The following PTPRM variants were observed in gnomAD, a reference collection of about 807,000 sequenced individuals.
PTPRM encodes the protein protein tyrosine phosphatase receptor type M, also known as receptor-type tyrosine-protein phosphatase mu.
Under a neutral mutation model 186.7 loss-of-function variants are expected in PTPRM, and 47 were observed. The ratio of observed to expected loss-of-function variants is 0.25; its 90% confidence interval spans 0.20 to 0.32. The LOEUF is 0.32. Among genes scored for constraint, PTPRM ranks in the 10% least tolerant of loss-of-function variants. PTPRM has a pLI of 1.00. For missense variants in PTPRM, 1,494 were observed against 1,865.0 expected, an observed-to-expected ratio of 0.80 and a Z score of 3.66; for synonymous variants, 668 against 674.9, an observed-to-expected ratio of 0.99 and a Z score of 0.16.
Position 8,337,532 on chromosome 18 carries a change from C to T in PTPRM, c.2957-5891C>T, listed in dbSNP as rs144827044. Among the ~76,000 whole-genome samples the T allele has an allele frequency of 3.6e-3, 543 of 152,316 alleles. 3 individuals are homozygous for T. The highest frequency in any genetic ancestry group is 0.012 in the African/African-American group (509 of 41,570). On this transcript the variant is annotated intron_variant, in intron 22 of 32. Transcript: ENST00000580170. ...GCACGCAGGGGTGGCCACTCATACC[C>T]ACTGGGGCCAGGACAGTGGTATAAA...
At chr18:8,339,513 G>A (rs2148230212) in intron 22 of PTPRM, among the ~76,000 whole-genome samples, 2 of 152,256 alleles carry the variant, frequency 1.3e-5, no homozygotes, top group East Asian at 3.9e-4. Context: ...TTGAGAGAGG[G>A]AGGCTTTTCA....
At chr18:7,975,999 T>A (rs575511875) in intron 7 of PTPRM, among the ~76,000 whole-genome samples, 136 of 152,194 alleles carry the variant, frequency 8.9e-4, no homozygotes, top group African/African-American at 3.0e-3. Context: ...TGAAACCCTG[T>A]CTCTACTAAA....
chr18:8,020,099 T>C (rs2085116708), intron 7 of PTPRM, among the ~76,000 whole-genome samples: 1 of 152,212 alleles, frequency 6.6e-6, no homozygotes, highest in Non-Finnish European at 1.5e-5. Context: ...TATCATTAAC[T>C]GTTTGCATTA....
At chr18:8,120,869 G>A (rs1304370213) in intron 13 of PTPRM, among the ~76,000 whole-genome samples, 1 of 152,102 alleles carries the variant, frequency 6.6e-6, no homozygotes, top group African/African-American at 2.4e-5. Context: ...AGATAATGCG[G>A]AACTGCATAG....
chr18:8,290,429 G>T (rs923167901), intron 19 of PTPRM, among the ~76,000 whole-genome samples: 2 of 151,862 alleles, frequency 1.3e-5, no homozygotes, highest in Admixed American at 1.3e-4. Flanking sequence ...TAGGAGTTGT[G>T]GCATTTTTAA....
chr18:8,044,026 G>A (rs189684108), intron 7 of PTPRM, among the ~76,000 whole-genome samples: 22 of 152,280 alleles, frequency 1.4e-4, no homozygotes, highest in South Asian at 1.0e-3. Flanking sequence ...TGATTGCCAC[G>A]GAACAAACAA....
At chr18:7,765,778 T>C (rs1348445678) in intron 1 of PTPRM, among the ~76,000 whole-genome samples, 5 of 152,218 alleles carry the variant, frequency 3.3e-5, no homozygotes, top group African/African-American at 1.2e-4. Context: ...CATTTAATAC[T>C]TTATGCATTT....
intron 5 of PTPRM, among the ~76,000 whole-genome samples, chr18:7,930,903 A>G (rs942477280): frequency 1.3e-5 from 2 of 152,080 alleles, no homozygotes; most frequent in African/African-American, 4.8e-5. Context: ...CCATCTGTTT[A>G]TATTTTCTTA....
intron 7 of PTPRM, among the ~76,000 whole-genome samples, chr18:8,054,298 A>AATATATATATATAT (rs34903203): frequency 1.1e-4 from 14 of 131,702 alleles, no homozygotes; most frequent in South Asian, 9.0e-4. Context: ...TAGTAGTAGT[A>AATATATATATATAT]ATATATATAT....
chr18:7,693,526 A>G (rs1359818867), intron 1 of PTPRM, among the ~76,000 whole-genome samples: 3 of 152,194 alleles, frequency 2.0e-5, no homozygotes, highest in Non-Finnish European at 4.4e-5. Context: ...TATGCCTAAT[A>G]TTTGAAAACT....
chr18:7,912,019 A>ATT lies in PTPRM; in HGVS notation c.547+5439_547+5440dup, dbSNP rs2050299962. On this transcript the variant is annotated intron_variant, in intron 4 of 32. Coordinates refer to ENST00000580170, the MANE Select transcript of PTPRM (RefSeq NM_001105244.2). Reference sequence around the variant, plus strand: ...AGGTGTCTGCCACCAAGCCCAGCTAATTTTGTATTTTTAGTAGAGACGCGG... The same window carrying ATT: ...AGGTGTCTGCCACCAAGCCCAGCTAATTTTTTGTATTTTTAGTAGAGACGCGG... Among the ~76,000 whole-genome samples the ATT allele has an allele frequency of 3.3e-5, 5 of 151,658 alleles. No homozygotes were observed. The South Asian group carries it at 1.0e-3, about 32-fold the overall frequency.
intron 7 of PTPRM, among the ~76,000 whole-genome samples, chr18:7,972,225 A>G (rs1369706924): frequency 1.2e-4 from 16 of 133,362 alleles, no homozygotes; most frequent in Admixed American, 2.9e-4. Context: ...AAAACCAAAC[A>G]CCGCATATTC....
At chr18:8,329,341 T>C (rs2095398085) in intron 22 of PTPRM, among the ~76,000 whole-genome samples, 1 of 152,236 alleles carries the variant, frequency 6.6e-6, no homozygotes, top group Admixed American at 6.5e-5. Flanking sequence ...TATGCAAAAG[T>C]ATTTGCAAAC....
rs1259107766 is a variant in PTPRM, at chr18:7,890,361, G to A, written c.468+1984G>A. On this transcript the variant is annotated intron_variant, in intron 3 of 32. Transcript: ENST00000580170. Reference sequence around the variant, plus strand: ...TGAACAGCATCCAGTAATCCATTCTGCAGCTTTGGTGTTTATGAGTTAAGA... The same window carrying A: ...TGAACAGCATCCAGTAATCCATTCTACAGCTTTGGTGTTTATGAGTTAAGA... 2.0e-5 allele frequency among the ~76,000 whole-genome samples: 3 copies of A among 152,116 alleles called. No homozygotes were observed. In the South Asian group the frequency reaches 6.2e-4, roughly 32 times the overall value.
intron 1 of PTPRM, among the ~76,000 whole-genome samples, chr18:7,706,601 C>CAAAAAAAAAAAAAAAAAAAAA (rs766639399): frequency 6.2e-5 from 1 of 16,130 alleles, no homozygotes; most frequent in Non-Finnish European, 1.3e-4. Context: ...GACCTTGTCT[C>CAAAAAAAAAAAAAAAAAAAAA]AAAAAAAAAA....
chr18:7,910,565 G>C (rs1417577059), intron 4 of PTPRM, among the ~76,000 whole-genome samples: 1 of 152,186 alleles, frequency 6.6e-6, no homozygotes, highest in African/African-American at 2.4e-5. Flanking sequence ...CAGTCTGATT[G>C]GTCGTGGGAG....
chr18:8,257,250 G>T (rs569430032), intron 19 of PTPRM, among the ~76,000 whole-genome samples: 47 of 152,318 alleles, frequency 3.1e-4, no homozygotes, highest in African/African-American at 1.1e-3. Flanking sequence ...GGAGAATGGG[G>T]TTCTCTGAGG....
chr18:8,100,105 G>A (rs1029835409), intron 11 of PTPRM, among the ~76,000 whole-genome samples: 2 of 151,784 alleles, frequency 1.3e-5, no homozygotes, highest in Non-Finnish European at 2.9e-5. Flanking sequence ...GCAAGGCAGA[G>A]AGTGAGGAGG....
intron 2 of PTPRM, among the ~76,000 whole-genome samples, chr18:7,874,504 T>G (rs913211270): frequency 6.6e-6 from 1 of 151,516 alleles, no homozygotes; most frequent in Non-Finnish European, 1.5e-5. Context: ...ACATTTCAAA[T>G]GAAGCTTTTA....
Sources: gnomAD v4.1 joint callset for allele counts (sites outside exome capture counted in the v4.1 genomes callset) on GRCh38, gnomAD v4.1.1 for gene constraint, MANE v1.5 for transcripts, NCBI Gene and HGNC (gene_info 2026-07-23, HGNC 2026-07-21) for gene names.